Variants in THSD7A observed in about 807,000 individuals in gnomAD.
THSD7A encodes thrombospondin type 1 domain containing 7A.
Under a neutral mutation model 231.3 loss-of-function variants are expected in THSD7A, and 96 were observed. That is an observed-to-expected ratio of 0.41 (90% CI 0.35 to 0.49). The LOEUF is 0.49. Ranked by LOEUF, THSD7A falls within the 20% of genes least tolerant of loss-of-function variation. The probability of loss-of-function intolerance (pLI) is 0.05; values close to 1 mark genes in which losing one functional copy is unlikely to be tolerated. For missense variants in THSD7A, 2,290 were observed against 2,070.2 expected, an observed-to-expected ratio of 1.11 and a Z score of -2.06; for synonymous variants, 940 against 743.3, an observed-to-expected ratio of 1.26 and a Z score of -4.30.
intron 23 of THSD7A, among the ~76,000 whole-genome samples, chr7:11,399,743 G>A (rs1472995611): frequency 4.6e-5 from 7 of 152,200 alleles, no homozygotes; most frequent in Non-Finnish European, 8.8e-5. Context: ...TATCGTGGAA[G>A]ACAGTGTGGC....
intron 16 of THSD7A, among the ~76,000 whole-genome samples, chr7:11,419,376 T>A (rs1000707121): frequency 6.6e-6 from 1 of 152,120 alleles, no homozygotes; most frequent in African/African-American, 2.4e-5. Flanking sequence ...TGTGCGGCAC[T>A]TCCCCCTTTG....
intron 2 of THSD7A, among the ~76,000 whole-genome samples, chr7:11,594,855 A>G (rs1161608319): frequency 6.6e-6 from 1 of 152,230 alleles, no homozygotes; most frequent in East Asian, 1.9e-4. Context: ...ATGCATGCAC[A>G]GCCTCACCAG....
At chr7:11,666,254 G>C (rs1166189076) in intron 1 of THSD7A, among the ~76,000 whole-genome samples, 1 of 151,958 alleles carries the variant, frequency 6.6e-6, no homozygotes, top group Non-Finnish European at 1.5e-5. Context: ...AGATATCTTG[G>C]TGGTAGAACC....
intron 4 of THSD7A, among the ~76,000 whole-genome samples, chr7:11,580,924 A>G (rs1791132070): frequency 6.6e-6 from 1 of 152,162 alleles, no homozygotes; most frequent in African/African-American, 2.4e-5. Flanking sequence ...ATAAAAAATT[A>G]TATCTTCAAC....
intron 4 of THSD7A, among the ~76,000 whole-genome samples, chr7:11,552,406 C>T (rs1022015971): frequency 6.6e-6 from 1 of 151,806 alleles, no homozygotes; most frequent in African/African-American, 2.4e-5. Flanking sequence ...ACTTCGTGGC[C>T]GTTTTTTAAA....
chr7:11,509,065 G>T (rs1189506501), intron 6 of THSD7A, among the ~76,000 whole-genome samples: 1 of 151,066 alleles, frequency 6.6e-6, no homozygotes, highest in Non-Finnish European at 1.5e-5. Context: ...AAATATGAGG[G>T]TATATCTCAT....
rs541347997 is a variant in THSD7A, at chr7:11,590,912, T to C, written c.1272-271A>G. Reference sequence around the variant, plus strand: ...ATTTTATGAAAAGGGAGCACAATGCTGAAAACATGAAATTTTATGTTCAAT... The same window carrying C: ...ATTTTATGAAAAGGGAGCACAATGCCGAAAACATGAAATTTTATGTTCAAT... On this transcript the variant is annotated intron_variant, in intron 3 of 27. Transcript: ENST00000423059. This position sits in a 1 kb window ranked among gnomAD's most constrained non-coding sequence, Gnocchi z 4.4. 6.6e-6 allele frequency among the ~76,000 whole-genome samples: 1 copy of C among 152,198 alleles called. No homozygotes were observed. The highest frequency in any genetic ancestry group is 1.5e-5 in the Non-Finnish European group (1 of 68,034).
intron 4 of THSD7A, among the ~76,000 whole-genome samples, chr7:11,584,452 T>C (rs1321707716): frequency 6.6e-6 from 1 of 152,150 alleles, no homozygotes; most frequent in Non-Finnish European, 1.5e-5. Flanking sequence ...CCCCAAACAA[T>C]ATATTCCAAG....
At chr7:11,434,811 G>A (rs988115834) in intron 13 of THSD7A, among the ~76,000 whole-genome samples, 1 of 151,666 alleles carries the variant, frequency 6.6e-6, no homozygotes, top group Non-Finnish European at 1.5e-5. Flanking sequence ...CAATATTCTT[G>A]AGCAATTATA....
intron 23 of THSD7A, among the ~76,000 whole-genome samples, chr7:11,393,158 G>A (rs1027042913): frequency 6.6e-6 from 1 of 152,190 alleles, no homozygotes; most frequent in African/African-American, 2.4e-5. Flanking sequence ...CATCTGGCAG[G>A]TGCCCCTCTG....
At chr7:11,505,025 ACTC>A (rs1326089104) in intron 6 of THSD7A, among the ~76,000 whole-genome samples, 1 of 152,156 alleles carries the variant, frequency 6.6e-6, no homozygotes, top group East Asian at 1.9e-4. Flanking sequence ...ATGTTTCAGA[ACTC>A]CTGATTGTCA....
At chr7:11,671,297 C>T (rs919060472) in intron 1 of THSD7A, among the ~76,000 whole-genome samples, 1 of 152,090 alleles carries the variant, frequency 6.6e-6, no homozygotes, top group Admixed American at 6.6e-5. Context: ...TTTTTTAAAA[C>T]ATTACCAACT....
chr7:11,524,363 A>G (rs1322905841), intron 6 of THSD7A, among the ~76,000 whole-genome samples: 1 of 152,112 alleles, frequency 6.6e-6, no homozygotes, highest in East Asian at 1.9e-4. Context: ...AGTACAACAG[A>G]GCTTGGTATC....
At chr7:11,567,824 C>T (rs951875979) in intron 4 of THSD7A, among the ~76,000 whole-genome samples, 1 of 152,126 alleles carries the variant, frequency 6.6e-6, no homozygotes, top group Non-Finnish European at 1.5e-5. Flanking sequence ...TCCACGTCTC[C>T]CAGTCTCGTT....
In THSD7A at chr7:11,401,953, T is replaced by G; in HGVS notation, c.4253A>C (p.Lys1418Thr). 6.2e-7 allele frequency: 1 copy of G among 1,613,014 alleles called. No homozygotes were observed. The highest frequency in any genetic ancestry group is 8.5e-7 in the Non-Finnish European group (1 of 1,179,552). The change falls in exon 23 of 28, where the codon AAG (lysine) becomes ACG (threonine). Residue 1418 changes from lysine to threonine, a missense_variant. By Grantham distance (78) the Lys-to-Thr change is moderately conservative. Transcript: ENST00000423059. ...ACACAGGCTCCAGGAAGACCAGTCC[T>G]TCAAATAACAGTCACCTGTAAAACA... ...SQPCPGDCYLKDWSSWSLCQL... is the reference protein window; with the variant it reads ...SQPCPGDCYLTDWSSWSLCQL...
In THSD7A at chr7:11,438,016, GTT is replaced by G. The variant is rs35979869; in HGVS notation, c.3064+8043_3064+8044del. On this transcript the variant is annotated intron_variant, in intron 13 of 27. Coordinates refer to ENST00000423059, the MANE Select transcript of THSD7A (RefSeq NM_015204.3). ...CATCCACGATGTATTCCTTTTCCAG[GTT>G]TTTTTTTTGATGATTCTTTCCTGTT... Among the ~76,000 whole-genome samples the G allele has an allele frequency of 3.6e-3, 534 of 148,866 alleles. 3 individuals are homozygous for G. Among genetic ancestry groups the G allele is most frequent in the African/African-American group, 0.012 (509 of 40,840 alleles).
chr7:11,476,923 T>A (rs115092900), intron 7 of THSD7A, among the ~76,000 whole-genome samples: 2 of 152,114 alleles, frequency 1.3e-5, no homozygotes, highest in African/African-American at 4.8e-5. Flanking sequence ...AAAAGTATGA[T>A]ATAAATACTT....
At chr7:11,585,024 T>A (rs1791336880) in intron 4 of THSD7A, among the ~76,000 whole-genome samples, 1 of 152,218 alleles carries the variant, frequency 6.6e-6, no homozygotes, top group South Asian at 2.1e-4. Context: ...AGCAAATGTT[T>A]ATTAAAAACC....
intron 24 of THSD7A, among the ~76,000 whole-genome samples, chr7:11,382,170 GA>G (rs1782541940): frequency 6.6e-6 from 1 of 152,000 alleles, no homozygotes; most frequent in Non-Finnish European, 1.5e-5. Flanking sequence ...CACAGAAGCA[GA>G]AAGTCAAAAA....
Sources: allele counts gnomAD v4.1 joint callset (sites outside exome capture counted in the v4.1 genomes callset), GRCh38; gene constraint gnomAD v4.1.1; non-coding constraint Gnocchi (gnomAD v3.1); transcripts MANE v1.5; gene names NCBI Gene and HGNC (gene_info 2026-07-23, HGNC 2026-07-21).